Variants in SEPTIN9 observed in about 807,000 individuals in gnomAD.
SEPTIN9 encodes the protein septin-9.
SEPTIN9 carries 13 observed loss-of-function variants against 56.6 expected under a neutral mutation model. The observed-to-expected ratio is 0.23, with a 90% CI of 0.15 to 0.37. The LOEUF (loss-of-function observed/expected upper bound fraction) is 0.37, where lower values mean the gene tolerates loss of function less well. Among genes scored for constraint, SEPTIN9 ranks in the 10% least tolerant of loss-of-function variants. The probability of loss-of-function intolerance (pLI) is 1.00; values close to 1 mark genes in which losing one functional copy is unlikely to be tolerated. For missense variants in SEPTIN9, 650 were observed against 823.1 expected, an observed-to-expected ratio of 0.79 and a Z score of 2.57; for synonymous variants, 332 against 334.1, an observed-to-expected ratio of 0.99 and a Z score of 0.07.
At chr17:77,411,774 A>C (rs2036312151) in intron 3 of SEPTIN9, among the ~76,000 whole-genome samples, 1 of 152,182 alleles carries the variant, frequency 6.6e-6, no homozygotes, top group Admixed American at 6.6e-5. Flanking sequence ...GCACTTGTAC[A>C]TGTGCACACA....
rs312860 is a variant in SEPTIN9, at chr17:77,400,379, A to T, written c.77-1680A>T. The stretch of plus-strand genomic sequence containing the variant: ...CAACTGAGAGTTCTCTGGAGTCCAC[A>T]CGGCTCCTTGCCCAGCTTCTGGTGG... On this transcript the variant is annotated intron_variant, in intron 2 of 11. Coordinates refer to ENST00000427177, the MANE Select transcript of SEPTIN9 (RefSeq NM_001113491.2). The surrounding 1 kb of genome is among the most constrained non-coding windows in gnomAD (Gnocchi z 4.1). Among the ~76,000 whole-genome samples, 1 of 151,860 alleles carries T rather than the reference A, an allele frequency of 6.6e-6. No individual in the cohort carries two copies. The highest frequency in any genetic ancestry group is 2.4e-5 in the African/African-American group (1 of 41,328).
intron 10 of SEPTIN9, among the ~76,000 whole-genome samples, chr17:77,495,215 T>C (rs931008525): frequency 1.3e-5 from 2 of 152,146 alleles, no homozygotes; most frequent in Admixed American, 6.5e-5. Context: ...GACCTGTGCG[T>C]TGTTGAGCAC....
At chr17:77,452,753 G>A (rs2038033098) in intron 3 of SEPTIN9, among the ~76,000 whole-genome samples, 1 of 151,686 alleles carries the variant, frequency 6.6e-6, no homozygotes, top group Non-Finnish European at 1.5e-5. Flanking sequence ...TTGCCACCTT[G>A]CCTTGAAACT....
chr17:77,361,113 G>T lies in SEPTIN9; in HGVS notation c.77-40946G>T, dbSNP rs565396098. 4.6e-5 allele frequency among the ~76,000 whole-genome samples: 7 copies of T among 152,034 alleles called. No individual in the cohort carries two copies. In the East Asian group the frequency reaches 1.4e-3, roughly 29 times the overall value. On this transcript the variant is annotated intron_variant, in intron 2 of 11. Transcript: ENST00000427177. ...TAAATTTTGTATTTTTAGTAGAGAT[G>T]GGGTTTCACCACATTGGCCAGGCTG...
chr17:77,419,231 C>T (rs985706796), intron 3 of SEPTIN9, among the ~76,000 whole-genome samples: 7 of 152,180 alleles, frequency 4.6e-5, no homozygotes, highest in African/African-American at 1.7e-4. Flanking sequence ...ACTTGCAGGC[C>T]CAGCCTCCTG....
In SEPTIN9 at chr17:77,453,294, C is replaced by T. The variant is rs2144423789; in HGVS notation, c.722-28850C>T. 6.6e-6 allele frequency among the ~76,000 whole-genome samples: 1 copy of T among 152,236 alleles called. No individual in the cohort carries two copies. Among genetic ancestry groups the T allele is most frequent in the South Asian group, 2.1e-4 (1 of 4,830 alleles). The stretch of plus-strand genomic sequence containing the variant: ...GAAGCCATCAAGCACTGTGGTCAGA[C>T]CAGCATTCCATGTCAAAAATGGCCT... On this transcript the variant is annotated intron_variant, in intron 3 of 11. Coordinates refer to ENST00000427177, the MANE Select transcript of SEPTIN9 (RefSeq NM_001113491.2). This position sits in a 1 kb window ranked among gnomAD's most constrained non-coding sequence, Gnocchi z 4.4.
intron 2 of SEPTIN9, among the ~76,000 whole-genome samples, chr17:77,387,678 C>T (rs2144012012): frequency 6.6e-6 from 1 of 152,270 alleles, no homozygotes; most frequent in South Asian, 2.1e-4. Context: ...TGAGGAGACC[C>T]TTTCCCCTGG....
Position 77,301,347 on chromosome 17 carries a change from G to A in SEPTIN9, c.20-5794G>A, listed in dbSNP as rs987837202. ...GCTGAGGTTACAGGTGTGAGCCACTGCACCTGGCCTCTCTCAGGAGTTTCA... is the reference window on the plus strand; with the variant it reads ...GCTGAGGTTACAGGTGTGAGCCACTACACCTGGCCTCTCTCAGGAGTTTCA... On this transcript the variant is annotated intron_variant, in intron 1 of 11. Transcript: ENST00000427177. Among the ~76,000 whole-genome samples, 7 of 151,982 alleles carry A rather than the reference G, an allele frequency of 4.6e-5. No homozygotes were observed. In the East Asian group the frequency reaches 1.2e-3, roughly 25 times the overall value.
In SEPTIN9 at chr17:77,425,752, C is replaced by T. The variant is rs576691531; in HGVS notation, c.721+23049C>T. On this transcript the variant is annotated intron_variant, in intron 3 of 11. Transcript: ENST00000427177. The surrounding 1 kb of genome is among the most constrained non-coding windows in gnomAD (Gnocchi z 4.2). ...GGAAGCTGCCCCCCGCTCATCTACC[C>T]CCCAACCCTCCCAGCCAGCAGAGTT... Among the ~76,000 whole-genome samples, 1 of 151,418 alleles carries T rather than the reference C, an allele frequency of 6.6e-6. No homozygotes were observed. Among genetic ancestry groups the T allele is most frequent in the Non-Finnish European group, 1.5e-5 (1 of 67,938 alleles).
intron 3 of SEPTIN9, among the ~76,000 whole-genome samples, chr17:77,424,319 G>A (rs909302406): frequency 6.6e-6 from 1 of 152,272 alleles, no homozygotes; most frequent in African/African-American, 2.4e-5. Context: ...CAAAGCCTGA[G>A]CTGGTTTGCA....
Position 77,492,668 on chromosome 17 carries a change from G to T in SEPTIN9, c.1428G>T (p.Lys476Asn). Residue 476 changes from lysine (K) to asparagine (N), a missense_variant, in exon 9 of 12, where the codon AAG becomes AAT. Lys to Asn is a moderately conservative substitution (Grantham distance 94, BLOSUM62 0). Transcript: ENST00000427177. This position sits in a 1 kb window ranked among gnomAD's most constrained non-coding sequence, Gnocchi z 5.4. ...LSNGIDVYPQ[K>N]EFDEDSEDRL... ...ACGGCATCGACGTGTACCCCCAGAA[G>T]GAATTTGATGAGGACTCGGAGGACC... 3 of 1,614,164 alleles carry T rather than the reference G, an allele frequency of 1.9e-6. No individual in the cohort carries two copies. The highest frequency in any genetic ancestry group is 2.5e-6 in the Non-Finnish European group (3 of 1,180,038).
rs758474695 is a variant in SEPTIN9, at chr17:77,475,840, C to T, written c.722-6304C>T. 4.3e-6 allele frequency: 7 copies of T among 1,613,584 alleles called. No homozygotes were observed. The African/African-American group carries it at 5.3e-5, about 12-fold the overall frequency. ...TGGCCTGGTCAGTGGCTTCACAGGC[C>T]TCCGTGGGCAGGAGGAGGATGACCT... On this transcript the variant is annotated intron_variant, in intron 3 of 11. Coordinates refer to ENST00000427177, the MANE Select transcript of SEPTIN9 (RefSeq NM_001113491.2). The surrounding 1 kb of genome is among the most constrained non-coding windows in gnomAD (Gnocchi z 4.6).
chr17:77,428,245 G>A (rs1204978417), intron 3 of SEPTIN9, among the ~76,000 whole-genome samples: 1 of 152,246 alleles, frequency 6.6e-6, no homozygotes, highest in Non-Finnish European at 1.5e-5. Flanking sequence ...CCCTGCCTTG[G>A]ACAGAGCTCG....
chr17:77,309,398 C>G (rs182477358), intron 2 of SEPTIN9, among the ~76,000 whole-genome samples: 1 of 152,206 alleles, frequency 6.6e-6, no homozygotes, highest in Admixed American at 6.5e-5. Context: ...GGCTCTGGCC[C>G]GAGACACCCT....
At position 77,405,170 on chromosome 17, in the gene SEPTIN9, A is replaced by G. The variant is rs1376855531; in HGVS notation, c.721+2467A>G. ...GGGGATGTCCATGGGGATGTACAAG[A>G]ACATTCTCCTCCAGGGGCAGACACA... On this transcript the variant is annotated intron_variant, in intron 3 of 11. Coordinates refer to ENST00000427177, the MANE Select transcript of SEPTIN9 (RefSeq NM_001113491.2). The surrounding 1 kb of genome is among the most constrained non-coding windows in gnomAD (Gnocchi z 5.8). 2.6e-6 allele frequency: 4 copies of G among 1,512,298 alleles called. No homozygotes were observed. Among genetic ancestry groups the G allele is most frequent in the Non-Finnish European group, 1.8e-6 (2 of 1,126,172 alleles). The allele number at this position is 1,512,298 out of a possible 1,614,324, so 93.7% of individuals were successfully genotyped here.
At chr17:77,415,638 A>AG (rs1384177472) in intron 3 of SEPTIN9, among the ~76,000 whole-genome samples, 1 of 104,812 alleles carries the variant, frequency 9.5e-6, no homozygotes, top group African/African-American at 3.6e-5. Context: ...AAAAAAAAAA[A>AG]AAAAAAGAAA....
chr17:77,298,745 C>G (rs1307291724), intron 1 of SEPTIN9, among the ~76,000 whole-genome samples: 1 of 152,188 alleles, frequency 6.6e-6, no homozygotes, highest in Non-Finnish European at 1.5e-5. Context: ...TGCTTCCTGG[C>G]CTCTCTCACT....
intron 6 of SEPTIN9, 60 bp from the exon 7 acceptor site, chr17:77,488,667 A>C: frequency 6.2e-7 from 1 of 1,608,540 alleles, no homozygotes; most frequent in Non-Finnish European, 8.5e-7. Flanking sequence ...CTGGGAATGC[A>C]CGACCTGCTT....
Position 77,500,120 on chromosome 17 carries a change from CG to C in SEPTIN9, c.*1465del. On this transcript the variant is annotated 3_prime_UTR_variant, in exon 12 of 12. Coordinates refer to ENST00000427177, the MANE Select transcript of SEPTIN9 (RefSeq NM_001113491.2). ...CATCACCAGGTGCATCTGCAGGCAC[CG>C]GGCTGGCTGCTTGCAGCCAGGAGAA... is the stretch of plus-strand genomic sequence containing the variant. 4.3e-6 allele frequency: 1 copy of C among 233,018 alleles called. No individual in the cohort carries two copies. The highest frequency in any genetic ancestry group is 8.5e-6 in the Non-Finnish European group (1 of 117,928). The allele number at this position is 233,018 out of a possible 1,614,324, so 14.4% of individuals were successfully genotyped here. A position where few individuals can be genotyped will look rare whatever the true frequency, so the allele number is the denominator to read the frequency against.
Sources: allele counts gnomAD v4.1 joint callset (sites outside exome capture counted in the v4.1 genomes callset), GRCh38; gene constraint gnomAD v4.1.1; non-coding constraint Gnocchi (gnomAD v3.1); transcripts MANE v1.5; gene names NCBI Gene and HGNC (gene_info 2026-07-23, HGNC 2026-07-21).